PAX7: variants seen among roughly 807,000 people sequenced by gnomAD.
The protein encoded by PAX7 is paired box 7.
Under a neutral mutation model 50.7 loss-of-function variants are expected in PAX7, and 18 were observed. The ratio of observed to expected loss-of-function variants is 0.36; its 90% CI spans 0.25 to 0.53. PAX7 has a LOEUF of 0.53. Ranked by LOEUF, PAX7 falls within the 20% of genes least tolerant of loss-of-function variation. The pLI is 0.93. For missense variants in PAX7, 644 were observed against 702.9 expected, an observed-to-expected ratio of 0.92 and a Z score of 0.95; for synonymous variants, 310 against 290.4, an observed-to-expected ratio of 1.07 and a Z score of -0.69.
At chr1:18,707,357 A>G (rs2089295840) in intron 7 of PAX7, among the ~76,000 whole-genome samples, 1 of 151,756 alleles carries the variant, frequency 6.6e-6, no homozygotes, top group African/African-American at 2.4e-5. Flanking sequence ...CCAGGATTCA[A>G]ACCCATGTCT....
intron 4 of PAX7, among the ~76,000 whole-genome samples, chr1:18,651,437 C>G (rs2088429058): frequency 6.6e-6 from 1 of 152,214 alleles, no homozygotes; most frequent in Non-Finnish European, 1.5e-5. Context: ...CAATCCTTCT[C>G]TATCCCTAGC....
At position 18,634,386 on chromosome 1, in the gene PAX7, C is replaced by T; in HGVS notation, c.169C>T (p.His57Tyr). 6.2e-7 allele frequency: 1 copy of T among 1,614,216 alleles called. No individual in the cohort carries two copies. The highest frequency in any genetic ancestry group is 1.1e-5 in the South Asian group (1 of 91,084). ...GCGACCCCTGCCTAACCACATCCGC[C>T]ACAAGATAGTGGAGATGGCCCACCA... Reference protein sequence around the residue: ...NGRPLPNHIRHKIVEMAHHGI... With the variant: ...NGRPLPNHIRYKIVEMAHHGI... Residue 57 changes from histidine to tyrosine, a missense_variant, in exon 2 of 9, where the codon CAC (histidine) becomes TAC (tyrosine). Physicochemically the swap from His to Tyr is moderately conservative, Grantham distance 83. Coordinates refer to ENST00000420770, the MANE Select transcript of PAX7 (RefSeq NM_001135254.2). The surrounding 1 kb of genome is among the most constrained non-coding windows in gnomAD (Gnocchi z 4.0).
At chr1:18,701,702 G>A (rs918120494) in intron 6 of PAX7, among the ~76,000 whole-genome samples, 4 of 152,218 alleles carry the variant, frequency 2.6e-5, no homozygotes, top group African/African-American at 7.2e-5. Context: ...CCACTCTGGG[G>A]TGAACAGCCC....
Position 18,745,229 on chromosome 1 carries a change from A to G in PAX7, c.*300A>G. ...CCTCTGTGCCATCTCAGGCATGGAGATTGGGGCCCACCTTGAACACCTTGG... is the reference window on the plus strand; with the variant it reads ...CCTCTGTGCCATCTCAGGCATGGAGGTTGGGGCCCACCTTGAACACCTTGG... On this transcript the variant is annotated 3_prime_UTR_variant, in exon 9 of 9. Coordinates refer to ENST00000420770, the MANE Select transcript of PAX7 (RefSeq NM_001135254.2). The G allele has an allele frequency of 2.3e-6, 1 of 435,378 alleles. No individual in the cohort carries two copies. Among genetic ancestry groups the G allele is most frequent in the Non-Finnish European group, 4.2e-6 (1 of 240,476 alleles). The allele number at this position is 435,378 out of a possible 1,614,324, so 27.0% of individuals were successfully genotyped here.
rs1931518469 is a variant in PAX7, at chr1:18,748,012, G to C, written c.*3083G>C. The C allele has an allele frequency of 4.9e-6, 1 of 205,146 alleles. No homozygotes were observed. The highest frequency in any genetic ancestry group is 1.0e-5 in the Non-Finnish European group (1 of 100,326). The allele number at this position is 205,146 out of a possible 1,614,324, so 12.7% of individuals were successfully genotyped here. A position where few individuals can be genotyped will look rare whatever the true frequency, so the allele number is the denominator to read the frequency against. ...AAAGAAAAAAAGAAGTGATGTGTAA[G>C]AACCAAGCTATGCTTTTATACTTCC... On this transcript the variant is annotated 3_prime_UTR_variant, in exon 9 of 9. Coordinates refer to ENST00000420770, the MANE Select transcript of PAX7 (RefSeq NM_001135254.2).
Position 18,745,223 on chromosome 1 carries a change from A to G in PAX7, c.*294A>G. The stretch of plus-strand genomic sequence containing the variant: ...TGGTGGCCTCTGTGCCATCTCAGGC[A>G]TGGAGATTGGGGCCCACCTTGAACA... On this transcript the variant is annotated 3_prime_UTR_variant, in exon 9 of 9. Coordinates refer to ENST00000420770, the MANE Select transcript of PAX7 (RefSeq NM_001135254.2). The G allele has an allele frequency of 6.7e-6, 3 of 448,428 alleles. No homozygotes were observed. The East Asian group carries it at 1.1e-4, about 17-fold the overall frequency. The allele number at this position is 448,428 out of a possible 1,614,324, so 27.8% of individuals were successfully genotyped here.
rs1424206735 is a variant in PAX7 at position 18,745,542 on chromosome 1, G to C, written c.*613G>C. On this transcript the variant is annotated 3_prime_UTR_variant, in exon 9 of 9. Coordinates refer to ENST00000420770, the MANE Select transcript of PAX7 (RefSeq NM_001135254.2). Reference sequence around the variant, plus strand: ...CCACCCAGGAATTTGAAGGACTTCAGAACCCTCCCCAGACACCTCTACTGG... The same window carrying C: ...CCACCCAGGAATTTGAAGGACTTCACAACCCTCCCCAGACACCTCTACTGG... The C allele has an allele frequency of 1.3e-5, 3 of 231,474 alleles. No individual in the cohort carries two copies. The highest frequency in any genetic ancestry group is 2.6e-5 in the Non-Finnish European group (3 of 117,188). 14.3% of individuals were successfully genotyped at this position (231,474 alleles called of 1,614,324 possible).
intron 4 of PAX7, among the ~76,000 whole-genome samples, chr1:18,647,661 T>C (rs889741857): frequency 6.6e-6 from 1 of 152,134 alleles, no homozygotes; most frequent in Non-Finnish European, 1.5e-5. Flanking sequence ...GTAAATGCTA[T>C]AATTACGTAA....
intron 4 of PAX7, among the ~76,000 whole-genome samples, chr1:18,644,593 C>G (rs2088309697): frequency 6.6e-6 from 1 of 152,076 alleles, no homozygotes; most frequent in African/African-American, 2.4e-5. Flanking sequence ...AACCTCACAT[C>G]TGCGTGCTTC....
At chr1:18,684,919 G>A (rs1163580098) in intron 4 of PAX7, among the ~76,000 whole-genome samples, 1 of 152,172 alleles carries the variant, frequency 6.6e-6, no homozygotes, top group Admixed American at 6.5e-5. Context: ...GATCCGGGAT[G>A]GGTGATTTAG....
intron 7 of PAX7, among the ~76,000 whole-genome samples, chr1:18,732,574 T>C (rs1293899390): frequency 6.6e-6 from 1 of 152,160 alleles, no homozygotes; most frequent in Non-Finnish European, 1.5e-5. Flanking sequence ...AAATACCACA[T>C]TGTTTGGGAT....
At chr1:18,725,132 T>C (rs1389378202) in intron 7 of PAX7, among the ~76,000 whole-genome samples, 1 of 152,232 alleles carries the variant, frequency 6.6e-6, no homozygotes, top group Admixed American at 6.5e-5. Flanking sequence ...AGGGATTTTG[T>C]TCCTGGGAGG....
chr1:18,702,440 C>A (rs1405145815), intron 6 of PAX7, among the ~76,000 whole-genome samples: 6 of 152,148 alleles, frequency 3.9e-5, no homozygotes, highest in Non-Finnish European at 7.4e-5. Context: ...AGTCAAAGAG[C>A]CCCCTCCAGC....
rs1241259001 is a variant in PAX7, at chr1:18,634,238, TCA to T, written c.86-64_86-63del. 17 of 1,307,972 alleles carry T rather than the reference TCA, an allele frequency of 1.3e-5. No individual in the cohort carries two copies. The highest frequency in any genetic ancestry group is 1.8e-5 in the Non-Finnish European group (17 of 929,760). 81.0% of individuals were successfully genotyped at this position (1,307,972 alleles called of 1,614,324 possible). ...ACAAAACTGGAGTCAGGGAGTGTAC[TCA>T]GTGTCTGCTCTCCATCCTCACCCTG... is the stretch of plus-strand genomic sequence containing the variant. On this transcript the variant is annotated intron_variant, in intron 1 of 8. Coordinates refer to ENST00000420770, the MANE Select transcript of PAX7 (RefSeq NM_001135254.2). This position sits in a 1 kb window ranked among gnomAD's most constrained non-coding sequence, Gnocchi z 4.0.
At chr1:18,681,122 G>A (rs1179028730) in intron 4 of PAX7, among the ~76,000 whole-genome samples, 1 of 128,602 alleles carries the variant, frequency 7.8e-6, no homozygotes. Context: ...AGCTGAGATT[G>A]TACCATTGCA....
chr1:18,631,046 A>C lies in PAX7; in HGVS notation c.-558A>C. 4.4e-6 allele frequency: 1 copy of C among 228,534 alleles called. No homozygotes were observed. The highest frequency in any genetic ancestry group is 8.7e-6 in the Non-Finnish European group (1 of 115,006). 14.2% of individuals were successfully genotyped at this position (228,534 alleles called of 1,614,324 possible). A position where few individuals can be genotyped will look rare whatever the true frequency, so the allele number is the denominator to read the frequency against. On this transcript the variant is annotated 5_prime_UTR_variant, in exon 1 of 9. Coordinates refer to ENST00000420770, the MANE Select transcript of PAX7 (RefSeq NM_001135254.2). ...GGGAGAAGCGAGTGTGGTCCGGAGA[A>C]AGAAGGCGTGGAGAAGAGGGAGGGA...
chr1:18,724,921 T>A (rs1387319462), intron 7 of PAX7, among the ~76,000 whole-genome samples: 1 of 152,098 alleles, frequency 6.6e-6, no homozygotes, highest in Non-Finnish European at 1.5e-5. Context: ...GCAATACACA[T>A]CCTCATTTCA....
At chr1:18,697,855 C>T (rs1006215880) in intron 5 of PAX7, among the ~76,000 whole-genome samples, 1 of 150,792 alleles carries the variant, frequency 6.6e-6, no homozygotes, top group South Asian at 2.1e-4. Context: ...CTCTTTGACT[C>T]GTGCCCAGGC....
At chr1:18,718,849 C>T (rs375099805) in intron 7 of PAX7, among the ~76,000 whole-genome samples, 9 of 152,138 alleles carry the variant, frequency 5.9e-5, no homozygotes, top group African/African-American at 1.9e-4. Context: ...ACCATGTTGG[C>T]CAGGCTGGTC....
Sources: allele counts gnomAD v4.1 joint callset (sites outside exome capture counted in the v4.1 genomes callset), GRCh38; gene constraint gnomAD v4.1.1; non-coding constraint Gnocchi (gnomAD v3.1); transcripts MANE v1.5; gene names NCBI Gene and HGNC (gene_info 2026-07-23, HGNC 2026-07-21).